The following TMEM131 variants were observed in gnomAD, a reference collection of about 807,000 sequenced individuals.
TMEM131 encodes 2610524E03Rik.
TMEM131 carries 66 observed loss-of-function variants against 211.6 expected under a neutral mutation model. That is an observed-to-expected ratio of 0.31 (90% CI 0.26 to 0.38). The LOEUF is 0.38. TMEM131 is among the 10% of genes least tolerant of loss of function. TMEM131 has a pLI of 1.00. For missense variants in TMEM131, 2,036 were observed against 2,299.3 expected (o/e 0.89, Z 2.34); for synonymous variants, 844 against 841.3 (o/e 1.00, Z -0.06).
intron 22 of TMEM131, among the ~76,000 whole-genome samples, chr2:97,803,679 G>C (rs11684749): frequency 0.33 from 50,738 of 152,042 alleles, 9,329 homozygotes; most frequent in Non-Finnish European, 0.39. Flanking sequence ...CAGGATCAGG[G>C]AGAATATCAC....
At chr2:97,800,405 A>G (rs896123631) in intron 25 of TMEM131, among the ~76,000 whole-genome samples, 13 of 152,158 alleles carry the variant, frequency 8.5e-5, no homozygotes, top group African/African-American at 2.2e-4. Context: ...ATAAAATAAG[A>G]AAGTTAAATA....
Position 97,930,055 on chromosome 2 carries a change from A to C in TMEM131, c.188-2568T>G, listed in dbSNP as rs960641880. 2.0e-5 allele frequency among the ~76,000 whole-genome samples: 3 copies of C among 151,954 alleles called. No individual in the cohort carries two copies. In the East Asian group the frequency reaches 5.8e-4, roughly 29 times the overall value. On this transcript the variant is annotated intron_variant, in intron 1 of 40. Transcript: ENST00000186436. ...TCCCCCCACTTTTTAACACAAACTG[A>C]AATTTCACAGGATCCAGAGAATTTT...
chr2:97,797,842 A>G (rs79054269), intron 25 of TMEM131, among the ~76,000 whole-genome samples: 1 of 152,362 alleles, frequency 6.6e-6, no homozygotes, highest in Non-Finnish European at 1.5e-5. Context: ...CACACACAGA[A>G]AAGGACACAA....
At chr2:97,868,011 G>A (rs1674339835) in intron 4 of TMEM131, among the ~76,000 whole-genome samples, 1 of 152,162 alleles carries the variant, frequency 6.6e-6, no homozygotes. Flanking sequence ...TGTCTGTTGA[G>A]GTGGTCCATT....
intron 17 of TMEM131, among the ~76,000 whole-genome samples, chr2:97,811,951 T>C (rs1442700064): frequency 1.3e-5 from 2 of 152,178 alleles, no homozygotes; most frequent in East Asian, 3.8e-4. Context: ...GTAACATGTT[T>C]ATTAGACAGG....
At chr2:97,803,411 G>T (rs1248444439) in intron 22 of TMEM131, among the ~76,000 whole-genome samples, 8 of 152,164 alleles carry the variant, frequency 5.3e-5, no homozygotes, top group Admixed American at 2.6e-4. Flanking sequence ...AAAGTTTTCA[G>T]CAATATTCAA....
intron 1 of TMEM131, among the ~76,000 whole-genome samples, chr2:97,967,589 C>T (rs1679113165): frequency 6.6e-6 from 1 of 151,808 alleles, no homozygotes. Flanking sequence ...TAATAAAAAA[C>T]TGTATACTCA....
intron 1 of TMEM131, among the ~76,000 whole-genome samples, chr2:97,978,872 A>G (rs1679662910): frequency 6.6e-6 from 1 of 152,158 alleles, no homozygotes; most frequent in African/African-American, 2.4e-5. Flanking sequence ...GAGGTTTTCA[A>G]TGGACTTTGC....
intron 1 of TMEM131, among the ~76,000 whole-genome samples, chr2:97,943,728 C>T (rs1190927063): frequency 2.0e-5 from 3 of 152,102 alleles, no homozygotes; most frequent in African/African-American, 7.2e-5. Context: ...CAAAACTTCC[C>T]GATTTCAAAA....
intron 5 of TMEM131, among the ~76,000 whole-genome samples, chr2:97,853,313 A>C (rs1188560378): frequency 1.3e-5 from 2 of 151,966 alleles, no homozygotes; most frequent in Admixed American, 6.6e-5. Flanking sequence ...GAACATTTGC[A>C]GCTGGGCACA....
intron 29 of TMEM131, among the ~76,000 whole-genome samples, chr2:97,793,818 C>A (rs1172398442): frequency 6.6e-6 from 1 of 151,568 alleles, no homozygotes; most frequent in African/African-American, 2.4e-5. Context: ...CATGGTGAAA[C>A]CCCGTCTCTA....
intron 4 of TMEM131, among the ~76,000 whole-genome samples, chr2:97,884,953 T>C (rs1296439770): frequency 1.3e-5 from 2 of 152,244 alleles, no homozygotes; most frequent in Non-Finnish European, 2.9e-5. Context: ...TATTGTTCTC[T>C]GGATGTTTTA....
intron 2 of TMEM131, among the ~76,000 whole-genome samples, chr2:97,920,342 G>A (rs1435073737): frequency 3.3e-5 from 5 of 152,144 alleles, no homozygotes; most frequent in Admixed American, 6.6e-5. Flanking sequence ...GTATCTAACC[G>A]TGAAATATTG....
At chr2:97,953,434 A>G (rs1237214097) in intron 1 of TMEM131, among the ~76,000 whole-genome samples, 1 of 152,262 alleles carries the variant, frequency 6.6e-6, no homozygotes, top group Non-Finnish European at 1.5e-5. Context: ...GAAAATTACT[A>G]GAGACAAAGA....
chr2:97,819,044 G>A (rs1468305668), intron 11 of TMEM131, among the ~76,000 whole-genome samples: 1 of 152,176 alleles, frequency 6.6e-6, no homozygotes, highest in Admixed American at 6.5e-5. Flanking sequence ...ACACACCAGT[G>A]GAGGCGACAT....
rs77791771 is a variant in TMEM131 at position 97,879,806 on chromosome 2, G to A, written c.359+8246C>T. The stretch of plus-strand genomic sequence containing the variant: ...AATGCCTATTACATACAAAATACAT[G>A]TTAACTGACTGCTTATATTATCAGT... On this transcript the variant is annotated intron_variant, in intron 4 of 40. Transcript: ENST00000186436. 6.3e-3 allele frequency among the ~76,000 whole-genome samples: 953 copies of A among 152,178 alleles called. 73 individuals are homozygous for A. In the East Asian group the frequency reaches 0.15, roughly 24 times the overall value.
At chr2:97,786,229 C>A (rs1485951717) in intron 31 of TMEM131, among the ~76,000 whole-genome samples, 2 of 152,066 alleles carry the variant, frequency 1.3e-5, no homozygotes, top group East Asian at 3.9e-4. Context: ...AATCTACAAG[C>A]ATCTCAAAAT....
At chr2:97,798,553 T>C (rs1680878548) in intron 25 of TMEM131, among the ~76,000 whole-genome samples, 1 of 152,246 alleles carries the variant, frequency 6.6e-6, no homozygotes, top group African/African-American at 2.4e-5. Flanking sequence ...GTAAATACGG[T>C]TGTCTCTGTA....
At chr2:97,870,445 AG>A (rs1272858867) in intron 4 of TMEM131, among the ~76,000 whole-genome samples, 19 of 152,096 alleles carry the variant, frequency 1.2e-4, no homozygotes, top group Non-Finnish European at 2.6e-4. Context: ...AGACAGAAGT[AG>A]GGCCAAAAGG....
Sources: gnomAD v4.1 joint callset for allele counts (sites outside exome capture counted in the v4.1 genomes callset) on GRCh38, gnomAD v4.1.1 for gene constraint, MANE v1.5 for transcripts, NCBI Gene and HGNC (gene_info 2026-07-23, HGNC 2026-07-21) for gene names.